Variants in MPRIP observed in about 807,000 individuals in gnomAD.
MPRIP encodes myosin phosphatase Rho-interacting protein.
A neutral mutation model predicts 234.9 loss-of-function variants in MPRIP; 59 were observed. That is an observed-to-expected ratio of 0.25 (90% confidence interval 0.20 to 0.31). The LOEUF (loss-of-function observed/expected upper bound fraction) is 0.31, where lower values mean the gene tolerates loss of function less well. Among genes scored for constraint, MPRIP ranks in the 10% least tolerant of loss-of-function variants. The pLI is 1.00. For synonymous variants in MPRIP, 1,144 were observed against 1,263.9 expected, an observed-to-expected ratio of 0.91 and a Z score of 2.01; for missense variants, 2,436 against 3,071.0, an observed-to-expected ratio of 0.79 and a Z score of 4.89.
At position 17,177,405 on chromosome 17, in the gene MPRIP, C is replaced by A. The variant is rs148956989; in HGVS notation, c.7113C>A (p.Ser2371=). ...AGTCCCCTGACAGTGCCACGGTGTC[C>A]GGATATGGTGCGTCCTCGGGTCATG... is the stretch of plus-strand genomic sequence containing the variant. ...GEKSPDSATV[S]GYDIMKSKSN... is the part of the protein sequence containing the mutation. The change falls in exon 22 of 24, where the codon TCC becomes TCA. Residue 2371 remains serine, a synonymous_variant. Transcript: ENST00000651222. 1 of 1,613,278 alleles carries A rather than the reference C, an allele frequency of 6.2e-7. No homozygotes were observed. Among genetic ancestry groups the A allele is most frequent in the South Asian group, 1.1e-5 (1 of 91,022 alleles).
At chr17:17,105,393 T>C (rs578184112) in intron 3 of MPRIP, among the ~76,000 whole-genome samples, 1 of 152,248 alleles carries the variant, frequency 6.6e-6, no homozygotes, top group East Asian at 1.9e-4. Flanking sequence ...ACATCCATAC[T>C]CCTAGGGAGG....
At chr17:17,087,592 G>T (rs1367809772) in intron 3 of MPRIP, among the ~76,000 whole-genome samples, 2 of 152,210 alleles carry the variant, frequency 1.3e-5, no homozygotes, top group Admixed American at 6.5e-5. Context: ...CCAGACGCGA[G>T]TCCTCCCTGT....
chr17:17,184,877 G>A lies in MPRIP; in HGVS notation c.7261G>A (p.Asp2421Asn). 1.2e-6 allele frequency: 2 copies of A among 1,612,404 alleles called. No homozygotes were observed. The highest frequency in any genetic ancestry group is 1.7e-6 in the Non-Finnish European group (2 of 1,179,264). Reference protein sequence around the residue: ...QERLKLFESRDLKKD With the variant: ...QERLKLFESRNLKKD ...ACGGTTGAAGCTCTTTGAATCCAGG[G>A]ACTTGAAGAAAGACTAGGTGTGTCC... Residue 2421 changes from aspartate (D) to asparagine (N), a missense_variant, in exon 24 of 24, where the codon GAC becomes AAC. By Grantham distance (23) the Asp-to-Asn change is conservative. Around this residue, in one of 4 missense-constraint regions of MPRIP, gnomAD observed 1,998 missense variants for 2,520.3 expected, o/e 0.79. Transcript: ENST00000651222.
Position 17,185,165 on chromosome 17 carries a change from G to T in MPRIP, c.*271G>T, listed in dbSNP as rs2046451874. The T allele has an allele frequency of 5.0e-5, 18 of 360,074 alleles. 1 individual carries two copies. The highest frequency in any genetic ancestry group is 4.3e-4 in the South Asian group (18 of 42,248). 22.3% of individuals were successfully genotyped at this position (360,074 alleles called of 1,614,324 possible). A position where few individuals can be genotyped will look rare whatever the true frequency, so the allele number is the denominator to read the frequency against. ...GGGGGCTGGGAGGGCATCTGTGTTAGTCCTTTCCTGGCTGTGACCCGCCAC... is the reference window on the plus strand; with the variant it reads ...GGGGGCTGGGAGGGCATCTGTGTTATTCCTTTCCTGGCTGTGACCCGCCAC... On this transcript the variant is annotated 3_prime_UTR_variant, in exon 24 of 24. Transcript: ENST00000651222.
intron 3 of MPRIP, among the ~76,000 whole-genome samples, chr17:17,112,135 G>T (rs1189266655): frequency 2.0e-5 from 3 of 152,196 alleles, no homozygotes; most frequent in Non-Finnish European, 2.9e-5. Context: ...CGATGGCAGT[G>T]ATACACCTCA....
At chr17:17,083,934 G>T (rs190253810) in intron 3 of MPRIP, among the ~76,000 whole-genome samples, 2 of 152,202 alleles carry the variant, frequency 1.3e-5, no homozygotes, top group Admixed American at 1.3e-4. Context: ...TAGTAGAAAC[G>T]GTTTCATCGT....
intron 1 of MPRIP, among the ~76,000 whole-genome samples, chr17:17,054,809 G>T (rs1217991718): frequency 6.6e-6 from 1 of 152,118 alleles, no homozygotes. Context: ...CGGAACTTTG[G>T]GAGGCCAAGG....
chr17:17,077,755 A>T (rs1324809116), intron 2 of MPRIP: 8 of 101,758 alleles, frequency 7.9e-5, no homozygotes, highest in East Asian at 7.4e-4. Flanking sequence ...CAAGTGTTAA[A>T]AAAAAAAAAA....
chr17:17,071,671 C>T (rs1296820862), intron 1 of MPRIP, among the ~76,000 whole-genome samples: 1 of 152,144 alleles, frequency 6.6e-6, no homozygotes, highest in African/African-American at 2.4e-5. Context: ...AGTGGAGCCT[C>T]CGACTTGTGT....
chr17:17,127,161 C>G (rs2292526), intron 4 of MPRIP, among the ~76,000 whole-genome samples: 20,853 of 152,228 alleles, frequency 0.14, 2,078 homozygotes, highest in East Asian at 0.3. Flanking sequence ...GGATCAGTCC[C>G]TGAATCATAT....
Position 17,165,701 on chromosome 17 carries a change from G to C in MPRIP, c.4110G>C (p.Leu1370=). 3.1e-6 allele frequency: 4 copies of C among 1,305,056 alleles called. 1 individual carries two copies. In the South Asian group the frequency reaches 4.9e-5, roughly 16 times the overall value. The allele number at this position is 1,305,056 out of a possible 1,614,324, so 80.8% of individuals were successfully genotyped here. ...SMSSEPAPSV[L]PATGDSDTYL... is the part of the protein sequence containing the mutation. ...CCTCAGAGCCTGCACCCAGTGTACT[G>C]CCTGCAACTGGCGACTCTGACACGT... The change falls in exon 16 of 24, where the codon CTG becomes CTC. Residue 1370 remains leucine (L), a synonymous_variant. Transcript: ENST00000651222.
chr17:17,150,912 C>T (rs2045587305), intron 12 of MPRIP, among the ~76,000 whole-genome samples: 1 of 151,994 alleles, frequency 6.6e-6, no homozygotes, highest in Non-Finnish European at 1.5e-5. Context: ...GTGGCACAAT[C>T]ATGGCTCACT....
In MPRIP at chr17:17,166,160, G is replaced by C. The variant is rs982071506; in HGVS notation, c.4569G>C (p.Pro1523=). The C allele has an allele frequency of 3.1e-6, 4 of 1,302,358 alleles. No homozygotes were observed. The highest frequency in any genetic ancestry group is 4.0e-6 in the Non-Finnish European group (4 of 988,044). 80.7% of individuals were successfully genotyped at this position (1,302,358 alleles called of 1,614,324 possible). The change falls in exon 16 of 24, where the codon CCG becomes CCC. Residue 1523 remains proline, a synonymous_variant. Coordinates refer to ENST00000651222, the MANE Select transcript of MPRIP (RefSeq NM_001364716.4). The surrounding 1 kb of genome is among the most constrained non-coding windows in gnomAD (Gnocchi z 4.4). Reference sequence around the variant, plus strand: ...CCATCCAAGCCCTGCAGCACTGGCCGGCCCCAGCCCATGGCGGGGCCCGTG... The same window carrying C: ...CCATCCAAGCCCTGCAGCACTGGCCCGCCCCAGCCCATGGCGGGGCCCGTG... The part of the protein sequence containing the change: ...VSAIQALQHW[P]APAHGGARAQ...
chr17:17,045,228 G>A (rs1335279805), intron 1 of MPRIP, among the ~76,000 whole-genome samples: 5 of 152,188 alleles, frequency 3.3e-5, no homozygotes, highest in African/African-American at 4.8e-5. Context: ...GGCCCAGGGA[G>A]GTGGTGGGCA....
chr17:17,161,244 A>T lies in MPRIP; in HGVS notation c.2405A>T (p.Glu802Val). The part of the protein sequence containing the change: ...ELTSLLEKEL[E>V]QSQKEASDLL... ...TGTGTGTCTTTTTGCCAACAGCTGG[A>T]GCAGAGCCAGAAGGAGGCCTCAGAC... is the stretch of plus-strand genomic sequence containing the variant. Residue 802 changes from glutamate (E) to valine (V), a missense_variant, in exon 15 of 24, where the codon GAG (glutamate) becomes GTG (valine). Glu to Val is a moderately radical substitution (Grantham distance 121). Around this residue, in one of 4 missense-constraint regions of MPRIP, gnomAD observed 1,998 missense variants for 2,520.3 expected, o/e 0.79. Coordinates refer to ENST00000651222, the MANE Select transcript of MPRIP (RefSeq NM_001364716.4). 1.3e-6 allele frequency: 2 copies of T among 1,597,858 alleles called. No individual in the cohort carries two copies. The highest frequency in any genetic ancestry group is 1.7e-6 in the Non-Finnish European group (2 of 1,169,336).
chr17:17,132,799 C>T (rs2090623445), intron 5 of MPRIP, among the ~76,000 whole-genome samples: 2 of 152,194 alleles, frequency 1.3e-5, no homozygotes, highest in Non-Finnish European at 2.9e-5. Flanking sequence ...AAGGAGATGT[C>T]GCTAGCAAGA....
At chr17:17,178,821 A>T (rs527244829) in intron 22 of MPRIP, 26 of 152,144 alleles carry the variant, frequency 1.7e-4, no homozygotes, top group African/African-American at 5.3e-4. Context: ...TGGGAGGCTG[A>T]GGTGGGAGGA....
At chr17:17,045,010 C>T (rs1479158523) in intron 1 of MPRIP, among the ~76,000 whole-genome samples, 1 of 152,206 alleles carries the variant, frequency 6.6e-6, no homozygotes, top group African/African-American at 2.4e-5. Flanking sequence ...CAACAGCCTT[C>T]TCTGCTGCTC....
At chr17:17,104,296 T>C (rs1469188293) in intron 3 of MPRIP, among the ~76,000 whole-genome samples, 1 of 152,180 alleles carries the variant, frequency 6.6e-6, no homozygotes, top group East Asian at 1.9e-4. Context: ...AGTGTCTGTT[T>C]TCTGGATGTG....
Sources: allele counts gnomAD v4.1 joint callset (sites outside exome capture counted in the v4.1 genomes callset), GRCh38; gene constraint gnomAD v4.1.1; regional missense constraint gnomAD v4.1.1; non-coding constraint Gnocchi (gnomAD v3.1); transcripts MANE v1.5; gene names NCBI Gene and HGNC (gene_info 2026-07-23, HGNC 2026-07-21).